AP3M2: variants seen among roughly 807,000 people sequenced by gnomAD.
The protein encoded by AP3M2 is adaptor related protein complex 3 subunit mu 2, also known as AP-3 complex subunit mu-2.
AP3M2 carries 28 observed loss-of-function variants against 41.6 expected under a neutral mutation model. The ratio of observed to expected loss-of-function variants is 0.67; its 90% CI spans 0.50 to 0.92. The LOEUF (loss-of-function observed/expected upper bound fraction) is 0.92, where lower values mean the gene tolerates loss of function less well. Among genes scored for constraint, AP3M2 ranks in the 40% least tolerant of loss-of-function variants. The probability of loss-of-function intolerance (pLI) is 0.00; values close to 1 mark genes in which losing one functional copy is unlikely to be tolerated. For missense variants in AP3M2, 427 were observed against 521.4 expected, an observed-to-expected ratio of 0.82 and a Z score of 1.76; for synonymous variants, 193 against 186.4, an observed-to-expected ratio of 1.04 and a Z score of -0.29.
At chr8:42,155,925 C>A in intron 2 of AP3M2, 2 of 453,522 alleles carry the variant, frequency 4.4e-6, no homozygotes, top group Admixed American at 2.4e-5. Context: ...GAACAACTTC[C>A]CTTCCCAAGA....
chr8:42,154,165 G>A, intron 1 of AP3M2: 1 of 155,586 alleles, frequency 6.4e-6, no homozygotes, highest in Non-Finnish European at 1.4e-5. Flanking sequence ...CACCTTTCAA[G>A]TGCTCGCTGG....
At position 42,154,829 on chromosome 8, in the gene AP3M2, G is replaced by A. The variant is rs201026159; in HGVS notation, c.142G>A (p.Val48Ile). ...RATEAENVPP[V>I]IPTPHHYLLS... ...TACTGAGGCAGAAAATGTGCCTCCG[G>A]TTATCCCTACCCCTCACCACTATCT... The change falls in exon 2 of 9, where the codon GTT (valine) becomes ATT (isoleucine). Residue 48 changes from valine (V) to isoleucine (I), a missense_variant. Physicochemically the swap from Val to Ile is conservative, Grantham distance 29 (BLOSUM62 3). Transcript: ENST00000396926. 14 of 1,614,052 alleles carry A rather than the reference G, an allele frequency of 8.7e-6. No homozygotes were observed. The East Asian group carries it at 3.1e-4, about 36-fold the overall frequency.
At chr8:42,153,395 C>G (rs973978981) in intron 1 of AP3M2, 5 of 152,224 alleles carry the variant, frequency 3.3e-5, no homozygotes, top group African/African-American at 4.8e-5. Context: ...GGCCCCTGCC[C>G]GCCTGCGCCC....
In AP3M2 at chr8:42,167,306, A is replaced by T. The variant is rs1804666671; in HGVS notation, c.946A>T (p.Lys316Ter). The change falls in exon 7 of 9, where the codon AAG becomes TAG. Residue 316 changes from lysine to a stop codon, truncating the protein, a stop_gained. Transcript: ENST00000396926. LOFTEE classifies it high-confidence loss of function. ...AGTGACTGTCACCAGCCAGATGCCC[A>T]AGGGGGTCCTGAACATGAGCCTTAC... is the stretch of plus-strand genomic sequence containing the variant. ...EGVTVTSQMPKGVLNMSLTPS... is the reference protein window; with the variant it reads ...EGVTVTSQMP The T allele has an allele frequency of 1.2e-5, 20 of 1,614,212 alleles. No homozygotes were observed. The highest frequency in any genetic ancestry group is 1.7e-5 in the Non-Finnish European group (20 of 1,180,038).
rs1397246137 is a variant in AP3M2 at position 42,168,061 on chromosome 8, AG to A, written c.1156+253del. The A allele has an allele frequency of 8.5e-6, 5 of 590,148 alleles. No homozygotes were observed. The East Asian group carries it at 1.6e-4, about 19-fold the overall frequency. 36.6% of individuals were successfully genotyped at this position (590,148 alleles called of 1,614,324 possible). Reference sequence around the variant, plus strand: ...CTGAGAAAGAAACAGTATTGGTAGAAGGAAGTATTCACTAGCCATTTTTGGA... The same window carrying A: ...CTGAGAAAGAAACAGTATTGGTAGAAGAAGTATTCACTAGCCATTTTTGGA... On this transcript the variant is annotated intron_variant, in intron 8 of 8. Transcript: ENST00000396926.
chr8:42,160,323 G>C (rs917773378), intron 3 of AP3M2, among the ~76,000 whole-genome samples: 1 of 152,146 alleles, frequency 6.6e-6, no homozygotes. Flanking sequence ...TAGGTCATTG[G>C]GATAAAATAG....
chr8:42,157,250 G>A (rs1804379079), intron 2 of AP3M2, among the ~76,000 whole-genome samples: 1 of 152,202 alleles, frequency 6.6e-6, no homozygotes, highest in Admixed American at 6.5e-5. Context: ...TGTACCTCCA[G>A]TGGTGTTATC....
At chr8:42,165,646 C>T (rs1804621321) in intron 6 of AP3M2, 86 bp downstream of exon 6, 5 of 1,495,430 alleles carry the variant, frequency 3.3e-6, no homozygotes, top group Non-Finnish European at 3.6e-6. Flanking sequence ...AACTCAGGCT[C>T]TAGAGTTACC....
intron 3 of AP3M2, among the ~76,000 whole-genome samples, chr8:42,161,139 C>T: frequency 6.6e-6 from 1 of 151,894 alleles, no homozygotes; most frequent in Non-Finnish European, 1.5e-5. Flanking sequence ...CCTGTCTTTA[C>T]AAAAAATACA....
intron 4 of AP3M2, among the ~76,000 whole-genome samples, chr8:42,162,743 A>C (rs1189030556): frequency 1.3e-5 from 2 of 151,906 alleles, no homozygotes; most frequent in African/African-American, 4.8e-5. Context: ...CCAGGAGTTT[A>C]AGACCAGCCT....
At position 42,162,219 on chromosome 8, in the gene AP3M2, A is replaced by T. The variant is rs929238754; in HGVS notation, c.446-62A>T. On this transcript the variant is annotated intron_variant, in intron 3 of 8. Transcript: ENST00000396926. ...AGTGGGAGCATAGAAACTTCTAGGG[A>T]GGTGTTCTGTGGTTTCTAGAGTCAA... is the stretch of plus-strand genomic sequence containing the variant. 1.3e-5 allele frequency: 19 copies of T among 1,489,540 alleles called. No homozygotes were observed. In the South Asian group the frequency reaches 2.3e-4, roughly 18 times the overall value. The allele number at this position is 1,489,540 out of a possible 1,614,324, so 92.3% of individuals were successfully genotyped here.
At position 42,154,742 on chromosome 8, in the gene AP3M2, C is replaced by A; in HGVS notation, c.55C>A (p.His19Asn). Reference sequence around the variant, plus strand: ...CTCTGGAGACATTTTCCTGGAGAAACATTGGAAAAGTGTGGTCAGCCGTTC... The same window carrying A: ...CTCTGGAGACATTTTCCTGGAGAAAAATTGGAAAAGTGTGGTCAGCCGTTC... Reference protein sequence around the residue: ...NSSGDIFLEKHWKSVVSRSVC... With the variant: ...NSSGDIFLEKNWKSVVSRSVC... Residue 19 changes from histidine (H) to asparagine (N), a missense_variant, in exon 2 of 9, where the codon CAT (histidine) becomes AAT (asparagine). His to Asn is a moderately conservative substitution (Grantham distance 68). Transcript: ENST00000396926. 1 of 1,614,134 alleles carries A rather than the reference C, an allele frequency of 6.2e-7. No individual in the cohort carries two copies. The highest frequency in any genetic ancestry group is 8.5e-7 in the Non-Finnish European group (1 of 1,180,026).
intron 7 of AP3M2, 51 bp from the exon 8 acceptor site, chr8:42,167,615 C>G: frequency 1.3e-6 from 2 of 1,584,210 alleles, no homozygotes; most frequent in Non-Finnish European, 1.7e-6. Context: ...CAGGATTCTG[C>G]TGTAACTATT....
rs1804314885 is a variant in AP3M2, at chr8:42,154,877, A to G, written c.190A>G (p.Ile64Val). ...TCTCTTAAGTGTTTACCGCCACAAG[A>G]TCTTTTTTGTGGCCGTGATCCAGAC... Reference protein sequence around the residue: ...HYLLSVYRHKIFFVAVIQTEV... With the variant: ...HYLLSVYRHKVFFVAVIQTEV... Residue 64 changes from isoleucine to valine, a missense_variant, in exon 2 of 9, where the codon ATC (isoleucine) becomes GTC (valine). Physicochemically the swap from Ile to Val is conservative, Grantham distance 29. Around this residue, in one of 3 missense-constraint regions of AP3M2, gnomAD observed 104 missense variants for 93.8 expected, o/e 1.11. Coordinates refer to ENST00000396926, the MANE Select transcript of AP3M2 (RefSeq NM_006803.4). 1.2e-6 allele frequency: 2 copies of G among 1,613,970 alleles called. No homozygotes were observed. Among genetic ancestry groups the G allele is most frequent in the Non-Finnish European group, 1.7e-6 (2 of 1,180,018 alleles).
intron 2 of AP3M2, 26 bp downstream of exon 2, chr8:42,154,986 T>C (rs1418579804): frequency 1.9e-6 from 3 of 1,582,396 alleles, no homozygotes; most frequent in Non-Finnish European, 2.6e-6. Flanking sequence ...AAAGTTCATA[T>C]ATGTAAACCG....
At chr8:42,161,681 T>A (rs1438820027) in intron 3 of AP3M2, among the ~76,000 whole-genome samples, 2 of 152,188 alleles carry the variant, frequency 1.3e-5, no homozygotes, top group African/African-American at 4.8e-5. Flanking sequence ...TTTAAATTAA[T>A]GTATTTTATT....
chr8:42,157,043 T>C (rs1397539507), intron 2 of AP3M2, among the ~76,000 whole-genome samples: 1 of 152,208 alleles, frequency 6.6e-6, no homozygotes, highest in African/African-American at 2.4e-5. Context: ...CTTCATTCTA[T>C]GAGTTCAAGA....
rs753970644 is a variant in AP3M2 at position 42,158,121 on chromosome 8, GA to G, written c.445+10del. ...TGTCAACACCATCACAGGTACGGCA[GA>G]GGGGGAAACTGATAGATAGTGGCCA... On this transcript the variant is annotated intron_variant, in intron 3 of 8. Coordinates refer to ENST00000396926, the MANE Select transcript of AP3M2 (RefSeq NM_006803.4). 6.2e-7 allele frequency: 1 copy of G among 1,611,106 alleles called. No individual in the cohort carries two copies. Among genetic ancestry groups the G allele is most frequent in the Admixed American group, 1.7e-5 (1 of 59,972 alleles).
At chr8:42,163,884 G>T (rs1043738510) in intron 4 of AP3M2, among the ~76,000 whole-genome samples, 8 of 152,172 alleles carry the variant, frequency 5.3e-5, no homozygotes, top group African/African-American at 1.4e-4. Context: ...CAACGAAAAA[G>T]TAAAATATAT....
Sources: gnomAD v4.1 joint callset for allele counts (sites outside exome capture counted in the v4.1 genomes callset) on GRCh38, gnomAD v4.1.1 for gene constraint, gnomAD v4.1.1 regional missense constraint, MANE v1.5 for transcripts, NCBI Gene and HGNC (gene_info 2026-07-23, HGNC 2026-07-21) for gene names.